The following TBC1D9 variants were observed in gnomAD, a reference collection of about 807,000 sequenced individuals.
TBC1D9 encodes the protein TBC1 domain family member 9, also known as TBC1 domain family member 9A.
Under a neutral mutation model 132.0 loss-of-function variants are expected in TBC1D9, and 63 were observed. The observed-to-expected ratio is 0.48, with a 90% CI of 0.39 to 0.59. TBC1D9 has a LOEUF of 0.59. TBC1D9 is among the 20% of genes least tolerant of loss of function. The pLI is 0.00. For synonymous variants in TBC1D9, 610 were observed against 609.9 expected, an observed-to-expected ratio of 1.00 and a Z score of 0.00; for missense variants, 1,261 against 1,592.7, an observed-to-expected ratio of 0.79 and a Z score of 3.54.
intron 2 of TBC1D9, among the ~76,000 whole-genome samples, chr4:140,693,402 AC>A (rs1737906188): frequency 6.6e-6 from 1 of 152,250 alleles, no homozygotes; most frequent in African/African-American, 2.4e-5. Context: ...AATGCCTCAG[AC>A]CATGTCGAGA....
At chr4:140,649,521 A>G (rs1237605326) in intron 13 of TBC1D9, among the ~76,000 whole-genome samples, 1 of 152,152 alleles carries the variant, frequency 6.6e-6, no homozygotes, top group Non-Finnish European at 1.5e-5. Flanking sequence ...GAGAGGGAAG[A>G]AATTGATGGA....
At chr4:140,665,497 A>T (rs747972250) in intron 9 of TBC1D9, among the ~76,000 whole-genome samples, 17 of 152,192 alleles carry the variant, frequency 1.1e-4, no homozygotes, top group Non-Finnish European at 2.2e-4. Flanking sequence ...GTTCAACATC[A>T]TTATCCTTCA....
In TBC1D9 at chr4:140,629,103, C is replaced by T. The variant is rs190148110; in HGVS notation, c.2747-738G>A. On this transcript the variant is annotated intron_variant, in intron 16 of 20. Transcript: ENST00000442267. ...GACCTTACGGGTTATCTTGTCTGAC[C>T]TTCCACTTAATGTAGGATCTCCTCT... Among the ~76,000 whole-genome samples the T allele has an allele frequency of 9.2e-5, 14 of 152,302 alleles. No homozygotes were observed. In the East Asian group the frequency reaches 2.5e-3, roughly 27 times the overall value.
rs927117987 is a variant in TBC1D9 at position 140,668,912 on chromosome 4, C to T, written c.1588+5G>A. On this transcript the variant is annotated splice_donor_5th_base_variant and intron_variant, in intron 9 of 20. Transcript: ENST00000442267. ...ACGCCAGCATTCCCAGCCCAGCGGCCGTACCTGACAGCAGCAGCCAGAGCT... is the reference window on the plus strand; with the variant it reads ...ACGCCAGCATTCCCAGCCCAGCGGCTGTACCTGACAGCAGCAGCCAGAGCT... 10 of 1,613,334 alleles carry T rather than the reference C, an allele frequency of 6.2e-6. No individual in the cohort carries two copies. The highest frequency in any genetic ancestry group is 5.3e-5 in the African/African-American group (4 of 74,922).
intron 1 of TBC1D9, among the ~76,000 whole-genome samples, chr4:140,702,913 G>A (rs990693872): frequency 6.6e-6 from 1 of 152,086 alleles, no homozygotes; most frequent in Non-Finnish European, 1.5e-5. Context: ...GACAATATTA[G>A]CCCAAGACAC....
intron 1 of TBC1D9, among the ~76,000 whole-genome samples, chr4:140,708,610 T>C (rs1422331019): frequency 6.6e-6 from 1 of 152,222 alleles, no homozygotes. Context: ...AAAATGGTTC[T>C]GTGTGCAGGT....
At chr4:140,626,618 C>T (rs1736712946) in intron 18 of TBC1D9, among the ~76,000 whole-genome samples, 1 of 152,176 alleles carries the variant, frequency 6.6e-6, no homozygotes, top group Non-Finnish European at 1.5e-5. Context: ...AGGTAACTTA[C>T]TGCAGTAGCA....
At chr4:140,711,408 A>G (rs1290814192) in intron 1 of TBC1D9, among the ~76,000 whole-genome samples, 1 of 152,192 alleles carries the variant, frequency 6.6e-6, no homozygotes, top group South Asian at 2.1e-4. Context: ...GAGATTAGCT[A>G]TATCAATCCC....
intron 1 of TBC1D9, among the ~76,000 whole-genome samples, chr4:140,721,925 C>A (rs1738429692): frequency 6.6e-6 from 1 of 152,188 alleles, no homozygotes; most frequent in African/African-American, 2.4e-5. Flanking sequence ...AGACCTTAAC[C>A]AACTGCCTTC....
At chr4:140,666,710 C>T (rs1442501729) in intron 9 of TBC1D9, among the ~76,000 whole-genome samples, 10 of 145,794 alleles carry the variant, frequency 6.9e-5, no homozygotes, top group African/African-American at 2.6e-4. Context: ...TAATTGTGAT[C>T]ATTGCACAAT....
At chr4:140,748,549 C>T (rs1230818429) in intron 1 of TBC1D9, among the ~76,000 whole-genome samples, 35 of 152,126 alleles carry the variant, frequency 2.3e-4, no homozygotes, top group Non-Finnish European at 1.8e-4. Context: ...ATTAAAACTG[C>T]AGAAGACCAA....
intron 14 of TBC1D9, 52 bp from the exon 15 acceptor site, chr4:140,639,206 T>C: frequency 6.7e-7 from 1 of 1,498,440 alleles, no homozygotes; most frequent in Non-Finnish European, 9.1e-7. Flanking sequence ...AGTGCCATGC[T>C]GGGAAAATCC....
chr4:140,652,413 A>G (rs980548452), intron 13 of TBC1D9, among the ~76,000 whole-genome samples: 1 of 152,120 alleles, frequency 6.6e-6, no homozygotes, highest in Non-Finnish European at 1.5e-5. Flanking sequence ...ATGTACTTCA[A>G]GAAGAATGCT....
At chr4:140,634,938 T>C (rs1736854473) in intron 15 of TBC1D9, among the ~76,000 whole-genome samples, 1 of 152,102 alleles carries the variant, frequency 6.6e-6, no homozygotes, top group African/African-American at 2.4e-5. Context: ...GGCAGCCTCT[T>C]TATTCATGAG....
At chr4:140,648,575 G>A (rs1737139772) in intron 13 of TBC1D9, among the ~76,000 whole-genome samples, 1 of 151,804 alleles carries the variant, frequency 6.6e-6, no homozygotes, top group Admixed American at 6.6e-5. Flanking sequence ...TTGTAGAGAT[G>A]GAGTCTCCCT....
chr4:140,634,591 C>T (rs958547642), intron 15 of TBC1D9, among the ~76,000 whole-genome samples: 4 of 152,238 alleles, frequency 2.6e-5, no homozygotes, highest in African/African-American at 9.6e-5. Flanking sequence ...GGTAATGTGA[C>T]CGCCTTGTTT....
chr4:140,719,581 G>C (rs1291341521), intron 1 of TBC1D9, among the ~76,000 whole-genome samples: 1 of 152,188 alleles, frequency 6.6e-6, no homozygotes, highest in African/African-American at 2.4e-5. Flanking sequence ...CTGGAGGCAT[G>C]ATGTGATTTC....
chr4:140,633,778 T>C (rs1283768748), intron 16 of TBC1D9, among the ~76,000 whole-genome samples, 170 bp downstream of exon 16: 1 of 152,182 alleles, frequency 6.6e-6, no homozygotes, highest in Non-Finnish European at 1.5e-5. Context: ...TTGAGGGCTG[T>C]CTGATGTAGA....
intron 13 of TBC1D9, chr4:140,643,852 C>A (rs1737053610): frequency 1.4e-6 from 1 of 722,984 alleles, no homozygotes; most frequent in South Asian, 1.5e-5. Flanking sequence ...CATCCGCCTG[C>A]AGGGCTCGGG....
Sources: allele counts gnomAD v4.1 joint callset (sites outside exome capture counted in the v4.1 genomes callset), GRCh38; gene constraint gnomAD v4.1.1; transcripts MANE v1.5; gene names NCBI Gene and HGNC (gene_info 2026-07-23, HGNC 2026-07-21).